Variants in ART4 observed in about 807,000 individuals in gnomAD.
ART4 encodes the protein ADP-ribosyltransferase 4 (inactive) (Dombrock blood group), also known as ecto-ADP-ribosyltransferase 4.
A neutral mutation model predicts 24.2 loss-of-function variants in ART4; 14 were observed. The ratio of observed to expected loss-of-function variants is 0.58; its 90% CI spans 0.38 to 0.90. The LOEUF (loss-of-function observed/expected upper bound fraction) is 0.90. Ranked by LOEUF, ART4 falls within the 40% of genes least tolerant of loss-of-function variation. The probability of loss-of-function intolerance (pLI) is 0.00; values close to 1 mark genes in which losing one functional copy is unlikely to be tolerated. For synonymous variants in ART4, 145 were observed against 139.9 expected (o/e 1.04, Z -0.26); for missense variants, 356 against 366.6 (o/e 0.97, Z 0.24).
At chr12:14,842,949 C>T (rs1268447097) in intron 1 of ART4, 21 bp downstream of exon 1, 3 of 1,602,200 alleles carry the variant, frequency 1.9e-6, no homozygotes, top group African/African-American at 1.3e-5. Flanking sequence ...AAAGAGATCA[C>T]CCCCTCAATT....
chr12:14,830,537 G>A (rs2193361), intron 2 of ART4, among the ~76,000 whole-genome samples: 1,228 of 4,618 alleles, frequency 0.27, 40 homozygotes, highest in African/African-American at 0.29. Context: ...CTATATAGGA[G>A]TGTGTGTGTG....
intron 2 of ART4, among the ~76,000 whole-genome samples, chr12:14,836,584 C>T (rs970753519): frequency 6.6e-6 from 1 of 152,142 alleles, no homozygotes; most frequent in South Asian, 2.1e-4. Flanking sequence ...GGTAAGGGGG[C>T]ATTACTGCAA....
intron 2 of ART4, among the ~76,000 whole-genome samples, chr12:14,831,692 C>T (rs1950396687): frequency 6.6e-6 from 1 of 152,070 alleles, no homozygotes; most frequent in South Asian, 2.1e-4. Context: ...TTAAATACCA[C>T]CCATAACCCA....
rs548674531 is a variant in ART4, at chr12:14,831,352, A to C, written c.854-1890T>G. 2.7e-5 allele frequency among the ~76,000 whole-genome samples: 4 copies of C among 149,796 alleles called. No homozygotes were observed. The South Asian group carries it at 8.4e-4, about 32-fold the overall frequency. ...CAGTGTGATCTCTGCTCACTGCAAC[A>C]TCAGCTCAAGTGATTCTTCCACCTC... On this transcript the variant is annotated intron_variant, in intron 2 of 2. Coordinates refer to ENST00000228936, the MANE Select transcript of ART4 (RefSeq NM_021071.4).
chr12:14,833,204 A>G (rs1310430374), intron 2 of ART4, among the ~76,000 whole-genome samples: 1 of 152,238 alleles, frequency 6.6e-6, no homozygotes, highest in East Asian at 1.9e-4. Context: ...AAACACTAGC[A>G]TTAACACTGC....
chr12:14,827,460 G>A lies in ART4; in HGVS notation c.*1911C>T, dbSNP rs1950366567. On this transcript the variant is annotated 3_prime_UTR_variant, in exon 3 of 3. Transcript: ENST00000228936. ...TCTGTTGCCCAGGCTGGAGTGCAGT[G>A]GTGTGAACTTGGCTCACTGCACTAC... The A allele has an allele frequency of 6.6e-6, 1 of 152,208 alleles. No individual in the cohort carries two copies. The highest frequency in any genetic ancestry group is 1.5e-5 in the Non-Finnish European group (1 of 68,094). 9.4% of individuals were successfully genotyped at this position (152,208 alleles called of 1,614,324 possible). A position where few individuals can be genotyped will look rare whatever the true frequency, so the allele number is the denominator to read the frequency against.
intron 2 of ART4, among the ~76,000 whole-genome samples, chr12:14,831,815 T>G (rs1010850553): frequency 2.6e-5 from 4 of 151,998 alleles, no homozygotes; most frequent in African/African-American, 9.7e-5. Flanking sequence ...AGATATAACA[T>G]GTCAAATACC....
chr12:14,841,426 C>T (rs1350097757), intron 1 of ART4, among the ~76,000 whole-genome samples: 1 of 152,186 alleles, frequency 6.6e-6, no homozygotes, highest in Non-Finnish European at 1.5e-5. Context: ...AAAATCACAG[C>T]ATGTTTGCAT....
At chr12:14,840,294 G>A in intron 2 of ART4, 151 bp downstream of exon 2, 2 of 624,178 alleles carry the variant, frequency 3.2e-6, no homozygotes, top group Non-Finnish European at 5.4e-6. Flanking sequence ...AATAAATAAA[G>A]TGGATTTTCT....
chr12:14,840,303 CTCTAA>C, intron 2 of ART4, 137 bp downstream of exon 2: 1 of 660,610 alleles, frequency 1.5e-6, no homozygotes, highest in Non-Finnish European at 2.5e-6. Flanking sequence ...AGTGGATTTT[CTCTAA>C]TCTATCAGTT....
chr12:14,827,045 C>T lies in ART4; in HGVS notation c.*2326G>A, dbSNP rs1950363772. 2 of 148,488 alleles carry T rather than the reference C, an allele frequency of 1.3e-5. No homozygotes were observed. The highest frequency in any genetic ancestry group is 4.2e-4 in the South Asian group (2 of 4,706). 9.2% of individuals were successfully genotyped at this position (148,488 alleles called of 1,614,324 possible). A position where few individuals can be genotyped will look rare whatever the true frequency, so the allele number is the denominator to read the frequency against. ...CTTTTGAATTGTTATGAACAGAAAA[C>T]TTGATTTTTGCCTTTTTTTTTTTTG... On this transcript the variant is annotated 3_prime_UTR_variant, in exon 3 of 3. Coordinates refer to ENST00000228936, the MANE Select transcript of ART4 (RefSeq NM_021071.4).
chr12:14,833,514 G>A (rs1441817619), intron 2 of ART4, among the ~76,000 whole-genome samples: 2 of 152,124 alleles, frequency 1.3e-5, no homozygotes, highest in South Asian at 2.1e-4. Context: ...TCAGTACAGC[G>A]GAGTCAATAA....
At chr12:14,831,389 T>TA (rs1950395005) in intron 2 of ART4, among the ~76,000 whole-genome samples, 1 of 151,510 alleles carries the variant, frequency 6.6e-6, no homozygotes. Flanking sequence ...GCCTCCCAAG[T>TA]AGCTGGGTCT....
intron 2 of ART4, among the ~76,000 whole-genome samples, chr12:14,835,625 T>G (rs79895782): frequency 6.8e-6 from 1 of 146,370 alleles, no homozygotes; most frequent in Non-Finnish European, 1.5e-5. Context: ...TTTTTTTTTT[T>G]GACGGAGTCT....
Position 14,842,038 on chromosome 12 carries a change from C to A in ART4, c.145-885G>T, listed in dbSNP as rs189763475. Among the ~76,000 whole-genome samples, 37 of 152,320 alleles carry A rather than the reference C, an allele frequency of 2.4e-4. No individual in the cohort carries two copies. In the East Asian group the frequency reaches 6.4e-3, roughly 26 times the overall value. On this transcript the variant is annotated intron_variant, in intron 1 of 2. Coordinates refer to ENST00000228936, the MANE Select transcript of ART4 (RefSeq NM_021071.4). ...GAATGTGCCTAGGAAAGTCCCTCCC[C>A]TCCTGGAAAAGGACATTCCTTTCTA... is the stretch of plus-strand genomic sequence containing the variant.
chr12:14,829,304 C>G lies in ART4; in HGVS notation c.*67G>C. On this transcript the variant is annotated 3_prime_UTR_variant, in exon 3 of 3. Coordinates refer to ENST00000228936, the MANE Select transcript of ART4 (RefSeq NM_021071.4). ...CTGGAAAATAAATGTCCATTTCTAGCCAAAAGGCCAATAAAAAAGATTTTA... is the reference window on the plus strand; with the variant it reads ...CTGGAAAATAAATGTCCATTTCTAGGCAAAAGGCCAATAAAAAAGATTTTA... 1 of 1,120,738 alleles carries G rather than the reference C, an allele frequency of 8.9e-7. No homozygotes were observed. Among genetic ancestry groups the G allele is most frequent in the South Asian group, 1.8e-5 (1 of 56,336 alleles). The allele number at this position is 1,120,738 out of a possible 1,614,324, so 69.4% of individuals were successfully genotyped here.
chr12:14,834,507 A>G (rs1950416386), intron 2 of ART4, among the ~76,000 whole-genome samples: 1 of 152,236 alleles, frequency 6.6e-6, no homozygotes, highest in African/African-American at 2.4e-5. Context: ...AGTGAAGTTT[A>G]CATGTAAAAC....
intron 2 of ART4, among the ~76,000 whole-genome samples, chr12:14,831,517 G>A (rs1236176903): frequency 4.6e-5 from 7 of 151,674 alleles, no homozygotes; most frequent in Non-Finnish European, 8.8e-5. Context: ...CACCTACCTC[G>A]GCCTCCCAGA....
At position 14,826,963 on chromosome 12, in the gene ART4, G is replaced by T. The variant is rs1436783485; in HGVS notation, c.*2408C>A. 2 of 151,900 alleles carry T rather than the reference G, an allele frequency of 1.3e-5. No homozygotes were observed. Among genetic ancestry groups the T allele is most frequent in the Non-Finnish European group, 2.9e-5 (2 of 68,024 alleles). 9.4% of individuals were successfully genotyped at this position (151,900 alleles called of 1,614,324 possible). On this transcript the variant is annotated 3_prime_UTR_variant, in exon 3 of 3. Transcript: ENST00000228936. The stretch of plus-strand genomic sequence containing the variant: ...AGCCCTAACGGCTGGTTCAAATGCA[G>T]CCTCTTACTTAAAGCCTTCCGGGTG...
Sources: gnomAD v4.1 joint callset for allele counts (sites outside exome capture counted in the v4.1 genomes callset) on GRCh38, gnomAD v4.1.1 for gene constraint, MANE v1.5 for transcripts, NCBI Gene and HGNC (gene_info 2026-07-23, HGNC 2026-07-21) for gene names.